The following MYO7B variants were observed in gnomAD, a reference collection of about 807,000 sequenced individuals.
MYO7B encodes unconventional myosin-VIIb.
In MYO7B, 212 loss-of-function variants were observed where a neutral mutation model predicts 259.7. The observed-to-expected ratio is 0.82, with a 90% CI of 0.73 to 0.91. MYO7B has a LOEUF of 0.91. Among genes scored for constraint, MYO7B ranks in the 40% least tolerant of loss-of-function variants. MYO7B has a pLI of 0.00. For missense variants in MYO7B, 2,732 were observed against 2,813.5 expected (o/e 0.97, Z 0.66); for synonymous variants, 1,197 against 1,166.4 (o/e 1.03, Z -0.54).
Position 127,637,297 on chromosome 2 carries a change from C to A in MYO7B, c.6328-19C>A, listed in dbSNP as rs561748666. On this transcript the variant is annotated intron_variant, in intron 47 of 47. Coordinates refer to ENST00000409816, the MANE Select transcript of MYO7B (RefSeq NM_001393586.1). ...GCCCTCTGCACCCACAGCCTCTGAC[C>A]CCCCCGTCCCCTGTCCAGGGCTATA... 355 of 1,486,882 alleles carry A rather than the reference C, an allele frequency of 2.4e-4. 1 individual carries two copies. The African/African-American group carries it at 6.8e-3, about 29-fold the overall frequency. The allele number at this position is 1,486,882 out of a possible 1,614,324, so 92.1% of individuals were successfully genotyped here.
chr2:127,628,313 AG>A lies in MYO7B; in HGVS notation c.4461-55del. 1 of 1,549,598 alleles carries A rather than the reference AG, an allele frequency of 6.5e-7. No individual in the cohort carries two copies. On this transcript the variant is annotated intron_variant, in intron 33 of 47. Transcript: ENST00000409816. This position sits in a 1 kb window ranked among gnomAD's most constrained non-coding sequence, Gnocchi z 4.8. ...CCAACCCCACCTCCCGAGGCTGTTT[AG>A]GGGCTGGATCAGGGGAAGGTGGAGG...
Position 127,564,146 on chromosome 2 carries a change from C to T in MYO7B, c.19-7C>T, listed in dbSNP as rs369429752. On this transcript the variant is annotated splice_polypyrimidine_tract_variant and splice_region_variant and intron_variant, in intron 2 of 47. Transcript: ENST00000409816. ...GATCACACCACTGTCTTCTGTCTGC[C>T]CTCCAGGGTGACCACGTGTGGCTGG... 3.9e-6 allele frequency: 6 copies of T among 1,544,122 alleles called. No individual in the cohort carries two copies. In the African/African-American group the frequency reaches 8.2e-5, roughly 21 times the overall value.
rs557665061 is a variant in MYO7B at position 127,590,788 on chromosome 2, T to G, written c.1992+559T>G. 1.5e-4 allele frequency among the ~76,000 whole-genome samples: 23 copies of G among 152,332 alleles called. No homozygotes were observed. The South Asian group carries it at 4.6e-3, about 30-fold the overall frequency. On this transcript the variant is annotated intron_variant, in intron 16 of 47. Transcript: ENST00000409816. The surrounding 1 kb of genome is among the most constrained non-coding windows in gnomAD (Gnocchi z 4.6). ...CACCCAGAGGCCGCATATGCAGGGA[T>G]TCCCCAAACTAGGAGACATCAGCTG... is the stretch of plus-strand genomic sequence containing the variant.
Position 127,584,764 on chromosome 2 carries a change from C to T in MYO7B, c.1555-14C>T. 1.2e-6 allele frequency: 2 copies of T among 1,613,544 alleles called. No homozygotes were observed. Among genetic ancestry groups the T allele is most frequent in the Non-Finnish European group, 1.7e-6 (2 of 1,179,642 alleles). On this transcript the variant is annotated splice_polypyrimidine_tract_variant and intron_variant, in intron 13 of 47. Transcript: ENST00000409816. The surrounding 1 kb of genome is among the most constrained non-coding windows in gnomAD (Gnocchi z 5.8). Reference sequence around the variant, plus strand: ...TCTGGGACCTCAGCCCACAGGGTGTCTGGGTTCTTCCAGGGGACAGATCTC... The same window carrying T: ...TCTGGGACCTCAGCCCACAGGGTGTTTGGGTTCTTCCAGGGGACAGATCTC...
At chr2:127,562,648 C>T (rs965513060) in intron 2 of MYO7B, among the ~76,000 whole-genome samples, 9 of 151,976 alleles carry the variant, frequency 5.9e-5, no homozygotes, top group African/African-American at 1.9e-4. Flanking sequence ...CCACCACACC[C>T]GGCTAATTTT....
At chr2:127,623,396 C>G in intron 29 of MYO7B, 21 bp downstream of exon 29, 2 of 1,539,474 alleles carry the variant, frequency 1.3e-6, no homozygotes, top group Middle Eastern at 1.7e-4. Flanking sequence ...GGCACCCTGC[C>G]CGTCAGCCGC....
At chr2:127,537,692 AGAG>A (rs1163712295) in intron 1 of MYO7B, among the ~76,000 whole-genome samples, 7 of 151,430 alleles carry the variant, frequency 4.6e-5, no homozygotes, top group Non-Finnish European at 1.0e-4. Context: ...AGGAAGAAGA[AGAG>A]GAGGAGGAGG....
In MYO7B at chr2:127,632,271, C is replaced by G. The variant is rs768303938; in HGVS notation, c.5275C>G (p.Leu1759Val). ...NRHSEERGWQ[L>V]LWLCTGLFPP... ...GCACAGCGAAGAGCGGGGCTGGCAG[C>G]TGCTGTGGCTGTGCACGGGCCTCTT... The change falls in exon 39 of 48, where the codon CTG becomes GTG. Residue 1759 changes from leucine (L) to valine (V), a missense_variant. By Grantham distance (32) the Leu-to-Val change is conservative (BLOSUM62 1). Transcript: ENST00000409816. The G allele has an allele frequency of 1.2e-6, 2 of 1,611,620 alleles. No individual in the cohort carries two copies. The highest frequency in any genetic ancestry group is 4.5e-5 in the East Asian group (2 of 44,862).
At chr2:127,610,160 G>T in intron 24 of MYO7B, 144 bp downstream of exon 24, 1 of 1,151,044 alleles carries the variant, frequency 8.7e-7, no homozygotes, top group Admixed American at 2.6e-5. Context: ...CAGCCCCCAG[G>T]CCATGGTGCA....
intron 6 of MYO7B, among the ~76,000 whole-genome samples, chr2:127,571,096 T>C (rs983926704): frequency 6.6e-6 from 1 of 152,252 alleles, no homozygotes; most frequent in African/African-American, 2.4e-5. Context: ...TGGATAAATA[T>C]GCAAGAGTGA....
At chr2:127,604,013 G>A (rs535167296) in intron 19 of MYO7B, among the ~76,000 whole-genome samples, 2 of 152,294 alleles carry the variant, frequency 1.3e-5, no homozygotes, top group East Asian at 1.9e-4. Flanking sequence ...GAAGCCTGTA[G>A]TCCCAGCTAC....
chr2:127,566,242 G>T (rs1450871366), intron 4 of MYO7B, among the ~76,000 whole-genome samples: 1 of 152,224 alleles, frequency 6.6e-6, no homozygotes, highest in Non-Finnish European at 1.5e-5. Flanking sequence ...GAGGTCCCAG[G>T]GGCACACAGA....
rs776493568 is a variant in MYO7B at position 127,632,382 on chromosome 2, C to T, written c.5386C>T (p.Arg1796Ter). 1.8e-5 allele frequency: 29 copies of T among 1,574,768 alleles called. No individual in the cohort carries two copies. Among genetic ancestry groups the T allele is most frequent in the Middle Eastern group, 1.7e-4 (1 of 5,866 alleles). The change falls in exon 39 of 48, where the codon CGA becomes TGA. Residue 1796 changes from arginine to a stop codon, truncating the protein, a stop_gained. Coordinates refer to ENST00000409816, the MANE Select transcript of MYO7B (RefSeq NM_001393586.1). LOFTEE classifies it high-confidence loss of function. ...GCTGCTGGCCCCCGACTGCAGCCGC[C>T]GAATCCAGAAGGTCCTGAGGTGAGC... ...GKLLAPDCSR[R>*]IQKVLRTGPR...
At chr2:127,568,972 C>T (rs1472038262) in intron 5 of MYO7B, among the ~76,000 whole-genome samples, 1 of 151,696 alleles carries the variant, frequency 6.6e-6, no homozygotes, top group African/African-American at 2.4e-5. Context: ...CTTTGGGAGG[C>T]CGAGGCGGGC....
At chr2:127,588,914 T>TG (rs1679417457) in intron 15 of MYO7B, among the ~76,000 whole-genome samples, 1 of 135,876 alleles carries the variant, frequency 7.4e-6, no homozygotes, top group South Asian at 2.4e-4. Flanking sequence ...AGTGGATGGA[T>TG]GGGTGAGTGG....
intron 31 of MYO7B, chr2:127,626,761 A>G: frequency 2.0e-6 from 1 of 497,050 alleles, no homozygotes; most frequent in Non-Finnish European, 3.6e-6. Flanking sequence ...CCTGGGTGAC[A>G]GAGCGAGACT....
intron 5 of MYO7B, 52 bp downstream of exon 5, chr2:127,566,879 C>G: frequency 6.4e-7 from 1 of 1,553,270 alleles, no homozygotes; most frequent in South Asian, 1.2e-5. Flanking sequence ...GAACTGCTCC[C>G]CACCAGCATG....
At position 127,631,593 on chromosome 2, in the gene MYO7B, G is replaced by A; in HGVS notation, c.5096-7G>A. The A allele has an allele frequency of 6.2e-7, 1 of 1,612,712 alleles. No homozygotes were observed. The highest frequency in any genetic ancestry group is 8.5e-7 in the Non-Finnish European group (1 of 1,179,650). ...TGCCCCAGCACTGTGCTCCTTGACA[G>A]CCACACCCATCCTCCGGTACATGGG... On this transcript the variant is annotated splice_polypyrimidine_tract_variant and splice_region_variant and intron_variant, in intron 37 of 47. Coordinates refer to ENST00000409816, the MANE Select transcript of MYO7B (RefSeq NM_001393586.1).
rs933105378 is a variant in MYO7B, at chr2:127,609,191, C to T, written c.2814+313C>T. Among the ~76,000 whole-genome samples the T allele has an allele frequency of 2.0e-5, 3 of 152,144 alleles. No individual in the cohort carries two copies. The highest frequency in any genetic ancestry group is 1.3e-4 in the Admixed American group (2 of 15,288). ...GGCACCCCCAGAGCACCTTTGAGGC[C>T]GCTGCTCTGCAGTGTGGCTGAGGAA... On this transcript the variant is annotated intron_variant, in intron 22 of 47. Transcript: ENST00000409816. The surrounding 1 kb of genome is among the most constrained non-coding windows in gnomAD (Gnocchi z 6.9).
Sources: allele counts gnomAD v4.1 joint callset (sites outside exome capture counted in the v4.1 genomes callset), GRCh38; gene constraint gnomAD v4.1.1; non-coding constraint Gnocchi (gnomAD v3.1); transcripts MANE v1.5; gene names NCBI Gene and HGNC (gene_info 2026-07-23, HGNC 2026-07-21).